F5: variants seen among roughly 807,000 people sequenced by gnomAD.
The protein encoded by F5 is activated protein c cofactor.
Under a neutral mutation model 216.4 loss-of-function variants are expected in F5, and 138 were observed. The ratio of observed to expected loss-of-function variants is 0.64; its 90% CI spans 0.56 to 0.73. F5 has a LOEUF of 0.73. Ranked by LOEUF, F5 falls within the 30% of genes least tolerant of loss-of-function variation. F5 has a pLI of 0.00. For synonymous variants in F5, 916 were observed against 930.7 expected, an observed-to-expected ratio of 0.98 and a Z score of 0.29; for missense variants, 2,403 against 2,674.0, an observed-to-expected ratio of 0.90 and a Z score of 2.24.
Position 169,529,823 on chromosome 1 carries a change from A to G in F5, c.5209-5T>C, listed in dbSNP as rs746687576. 4.3e-6 allele frequency: 7 copies of G among 1,610,472 alleles called. No homozygotes were observed. The highest frequency in any genetic ancestry group is 4.2e-6 in the Non-Finnish European group (5 of 1,177,266). ...GCCTGAGTGAATATCTTTTTCCTGG[A>G]AAAACAGAGTAAATTGTATTGCCTC... On this transcript the variant is annotated splice_polypyrimidine_tract_variant and splice_region_variant and intron_variant, in intron 15 of 24. Transcript: ENST00000367797.
intron 16 of F5, among the ~76,000 whole-genome samples, chr1:169,529,303 G>T (rs1659534937): frequency 6.6e-6 from 1 of 152,178 alleles, no homozygotes; most frequent in East Asian, 1.9e-4. Flanking sequence ...GCAGAACAAT[G>T]TTAATTCCTT....
intron 10 of F5, among the ~76,000 whole-genome samples, chr1:169,547,592 C>G (rs1660043673): frequency 6.6e-6 from 1 of 152,146 alleles, no homozygotes; most frequent in Non-Finnish European, 1.5e-5. Flanking sequence ...GAAAAAAACG[C>G]TCAACATCAC....
intron 21 of F5, among the ~76,000 whole-genome samples, chr1:169,521,770 G>A (rs549835079): frequency 1.1e-4 from 16 of 148,380 alleles, no homozygotes; most frequent in South Asian, 2.2e-4. Context: ...ACAAGTGCAC[G>A]CCACCCTGCC....
At chr1:169,536,445 A>G (rs1007542185) in intron 14 of F5, 61 bp downstream of exon 14, 20 of 1,434,626 alleles carry the variant, frequency 1.4e-5, no homozygotes, top group Non-Finnish European at 1.9e-5. Flanking sequence ...CTGCACCTTT[A>G]CAACCCTCTG....
chr1:169,577,348 G>A (rs1420428573), intron 2 of F5, among the ~76,000 whole-genome samples: 2 of 151,674 alleles, frequency 1.3e-5, no homozygotes, highest in African/African-American at 4.8e-5. Flanking sequence ...AAAATATGCA[G>A]ACTCAAAACT....
Position 169,540,886 on chromosome 1 carries a change from G to A in F5, c.4204C>T (p.Leu1402Phe). 2 of 1,611,504 alleles carry A rather than the reference G, an allele frequency of 1.2e-6. No homozygotes were observed. Among genetic ancestry groups the A allele is most frequent in the South Asian group, 1.1e-5 (1 of 90,734 alleles). The change falls in exon 13 of 25, where the codon CTT becomes TTT. Residue 1402 changes from leucine (L) to phenylalanine (F), a missense_variant. Around this residue, in one of 4 missense-constraint regions of F5, gnomAD observed 293 missense variants for 270.8 expected, o/e 1.08. Coordinates refer to ENST00000367797, the MANE Select transcript of F5 (RefSeq NM_000130.5). ...GTCATCTGGTCGAGGTCTGGGGTAA[G>A]GGGAATTTGACTGAGATCTGCAAAG... is the stretch of plus-strand genomic sequence containing the variant. The part of the protein sequence containing the change: ...PLFADLSQIP[L>F]TPDLDQMTLS...
chr1:169,573,020 C>G (rs1660762041), intron 2 of F5, among the ~76,000 whole-genome samples: 1 of 151,870 alleles, frequency 6.6e-6, no homozygotes, highest in Admixed American at 6.6e-5. Flanking sequence ...ATCTCAGGAC[C>G]CACTGCAACC....
At chr1:169,567,383 T>TA (rs35536147) in intron 3 of F5, among the ~76,000 whole-genome samples, 36,358 of 150,530 alleles carry the variant, frequency 0.24, 5,254 homozygotes, top group South Asian at 0.36. Flanking sequence ...TAAAGTATAA[T>TA]AAAAAAAAAT....
At position 169,515,638 on chromosome 1, in the gene F5, A is replaced by G. The variant is rs1659140114; in HGVS notation, c.6346-12T>C. ...TTATTGTTGTTTGCCTATGAAAATG[A>G]CAAAAACACATAGATAAGGAAGATG... On this transcript the variant is annotated splice_polypyrimidine_tract_variant and intron_variant, in intron 23 of 24. Coordinates refer to ENST00000367797, the MANE Select transcript of F5 (RefSeq NM_000130.5). The G allele has an allele frequency of 6.2e-7, 1 of 1,611,522 alleles. No individual in the cohort carries two copies. The highest frequency in any genetic ancestry group is 8.5e-7 in the Non-Finnish European group (1 of 1,179,214).
At chr1:169,536,195 C>T (rs1365018052) in intron 14 of F5, among the ~76,000 whole-genome samples, 1 of 152,122 alleles carries the variant, frequency 6.6e-6, no homozygotes, top group Non-Finnish European at 1.5e-5. Flanking sequence ...TGCTATGAAA[C>T]CCAATTCAAT....
At chr1:169,553,572 A>G (rs1282417686) in intron 7 of F5, among the ~76,000 whole-genome samples, 1 of 152,148 alleles carries the variant, frequency 6.6e-6, no homozygotes, top group Non-Finnish European at 1.5e-5. Flanking sequence ...TATTTTTTGT[A>G]TTTTGTATTT....
At chr1:169,520,803 T>C in intron 21 of F5, 139 bp from the exon 22 acceptor site, 1 of 749,732 alleles carries the variant, frequency 1.3e-6, no homozygotes, top group Non-Finnish European at 2.2e-6. Context: ...TAAAATATAC[T>C]TGGGGATAAT....
chr1:169,528,818 A>G (rs2420372), intron 16 of F5, among the ~76,000 whole-genome samples: 145,357 of 152,286 alleles, frequency 0.95, 69,421 homozygotes, highest in East Asian at 1. Context: ...ACCAAAGTGA[A>G]GGAAGTGCTT....
chr1:169,559,884 G>A (rs984811386), intron 4 of F5, among the ~76,000 whole-genome samples: 2 of 135,930 alleles, frequency 1.5e-5, no homozygotes, highest in Non-Finnish European at 3.0e-5. Context: ...GGGCATGTAT[G>A]TAGGTATGGC....
chr1:169,567,343 C>A (rs987698050), intron 3 of F5, among the ~76,000 whole-genome samples: 9 of 151,738 alleles, frequency 5.9e-5, no homozygotes, highest in Non-Finnish European at 1.2e-4. Flanking sequence ...TGTAACTAAC[C>A]TGCACAATGT....
intron 14 of F5, among the ~76,000 whole-genome samples, chr1:169,533,772 G>A (rs181317727): frequency 1.3e-5 from 2 of 152,196 alleles, no homozygotes; most frequent in African/African-American, 2.4e-5. Context: ...GAAGAAAAGG[G>A]AATGCTTATA....
intron 10 of F5, 140 bp from the exon 11 acceptor site, chr1:169,546,732 T>G: frequency 1.3e-6 from 1 of 775,486 alleles, no homozygotes; most frequent in Non-Finnish European, 2.2e-6. Flanking sequence ...AAGGATTCTC[T>G]ATTCCATAAA....
Position 169,555,224 on chromosome 1 carries a change from A to C in F5, c.1076T>G (p.Val359Gly). The C allele has an allele frequency of 6.2e-7, 1 of 1,614,054 alleles. No homozygotes were observed. The highest frequency in any genetic ancestry group is 8.5e-7 in the Non-Finnish European group (1 of 1,179,992). ...TATTACAGGTGCATAGTCCCAAATG[A>C]CTTCCTCTGCAGCAATGAAGTATTC... ...RWEYFIAAEE[V>G]IWDYAPVIPA... The change falls in exon 7 of 25, where the codon GTC (valine) becomes GGC (glycine). Residue 359 changes from valine to glycine, a missense_variant. This residue lies in a region of F5 where 1,425 missense variants were observed against 1,554.8 expected (regional missense o/e 0.92). Coordinates refer to ENST00000367797, the MANE Select transcript of F5 (RefSeq NM_000130.5).
At chr1:169,539,060 A>G (rs555864252) in intron 13 of F5, among the ~76,000 whole-genome samples, 1 of 152,322 alleles carries the variant, frequency 6.6e-6, no homozygotes, top group East Asian at 1.9e-4. Flanking sequence ...TTATAAATAA[A>G]TAAATAAAGC....
Sources: allele counts gnomAD v4.1 joint callset (sites outside exome capture counted in the v4.1 genomes callset), GRCh38; gene constraint gnomAD v4.1.1; regional missense constraint gnomAD v4.1.1; transcripts MANE v1.5; gene names NCBI Gene and HGNC (gene_info 2026-07-23, HGNC 2026-07-21).